Variants in TMEM273 observed in about 807,000 individuals in gnomAD.
The protein encoded by TMEM273 is chromosome 10 open reading frame 128.
TMEM273 carries 19 observed loss-of-function variants against 17.9 expected under a neutral mutation model. The ratio of observed to expected loss-of-function variants is 1.06; its 90% CI spans 0.74 to 1.55. TMEM273 has a LOEUF of 1.55. Among genes scored for constraint, TMEM273 ranks in the 40% most tolerant of loss-of-function variants. TMEM273 has a pLI of 0.00. For missense variants in TMEM273, 194 were observed against 155.6 expected, an observed-to-expected ratio of 1.25 and a Z score of -1.31; for synonymous variants, 66 against 62.0, an observed-to-expected ratio of 1.07 and a Z score of -0.31.
intron 1 of TMEM273, chr10:49,178,233 T>A: frequency 2.2e-6 from 1 of 457,412 alleles, no homozygotes. Flanking sequence ...CATGCTGCCC[T>A]TGCCCGGGGC....
chr10:49,176,348 G>A (rs376952425), intron 1 of TMEM273, among the ~76,000 whole-genome samples: 4 of 152,286 alleles, frequency 2.6e-5, no homozygotes, highest in South Asian at 2.1e-4. Context: ...CTGCTGTTTC[G>A]AGAAATGGCC....
chr10:49,162,088 C>A (rs909251399), intron 5 of TMEM273, among the ~76,000 whole-genome samples: 2 of 152,134 alleles, frequency 1.3e-5, no homozygotes, highest in East Asian at 1.9e-4. Context: ...CCTTCTATAG[C>A]CCTGATAGCT....
intron 1 of TMEM273, among the ~76,000 whole-genome samples, chr10:49,175,713 C>A (rs1846910883): frequency 6.6e-6 from 1 of 151,536 alleles, no homozygotes. Context: ...GGGGGCAGGG[C>A]CCCCCCCACC....
chr10:49,186,047 AGAAGAG>A (rs1451357528), intron 1 of TMEM273, among the ~76,000 whole-genome samples: 1 of 144,670 alleles, frequency 6.9e-6, no homozygotes, highest in African/African-American at 2.7e-5. Flanking sequence ...AAGAAGAAGA[AGAAGAG>A]GAAGAAGAAG....
chr10:49,172,299 T>C (rs1051332474), intron 1 of TMEM273, among the ~76,000 whole-genome samples: 5 of 152,070 alleles, frequency 3.3e-5, no homozygotes, highest in African/African-American at 9.7e-5. Context: ...ATGAAGGAGC[T>C]CACAGAGTGA....
At chr10:49,174,898 C>A (rs1054535036) in intron 1 of TMEM273, among the ~76,000 whole-genome samples, 1 of 152,182 alleles carries the variant, frequency 6.6e-6, no homozygotes, top group Non-Finnish European at 1.5e-5. Flanking sequence ...AGGAATTCCA[C>A]ATACGGCAGT....
At chr10:49,185,621 T>C (rs1847617135) in intron 1 of TMEM273, among the ~76,000 whole-genome samples, 1 of 152,202 alleles carries the variant, frequency 6.6e-6, no homozygotes, top group Non-Finnish European at 1.5e-5. Flanking sequence ...TAACAACATA[T>C]ACAATCATTA....
chr10:49,172,546 C>T (rs1031595078), intron 1 of TMEM273, among the ~76,000 whole-genome samples: 12 of 152,178 alleles, frequency 7.9e-5, no homozygotes, highest in Non-Finnish European at 1.8e-4. Flanking sequence ...GTTTGTTCCA[C>T]CTTCGAGCCT....
At chr10:49,156,802 C>T (rs997355785) in intron 6 of TMEM273, among the ~76,000 whole-genome samples, 11 of 152,030 alleles carry the variant, frequency 7.2e-5, no homozygotes, top group Non-Finnish European at 1.2e-4. Flanking sequence ...CAAGGACACA[C>T]GTAATGGTCA....
chr10:49,179,304 G>A (rs1048093396), intron 1 of TMEM273, among the ~76,000 whole-genome samples: 3 of 152,210 alleles, frequency 2.0e-5, no homozygotes, highest in Non-Finnish European at 4.4e-5. Flanking sequence ...TGTGGGGCTC[G>A]GCTTTATAGC....
intron 5 of TMEM273, among the ~76,000 whole-genome samples, chr10:49,163,414 C>T (rs139979547): frequency 7.9e-5 from 12 of 152,248 alleles, no homozygotes; most frequent in Non-Finnish European, 1.6e-4. Flanking sequence ...AAGCTGGTTA[C>T]ATGCCCTAGA....
At chr10:49,175,532 C>T (rs754178163) in intron 1 of TMEM273, among the ~76,000 whole-genome samples, 18 of 152,194 alleles carry the variant, frequency 1.2e-4, no homozygotes, top group Admixed American at 2.6e-4. Flanking sequence ...AAACTGGTGC[C>T]CACTTTGTTT....
intron 3 of TMEM273, 61 bp from the exon 4 acceptor site, chr10:49,165,857 C>T: frequency 2.5e-6 from 4 of 1,603,342 alleles, no homozygotes; most frequent in Non-Finnish European, 3.4e-6. Context: ...CAGAGCATTC[C>T]CTAGAGCTTT....
intron 6 of TMEM273, among the ~76,000 whole-genome samples, chr10:49,157,867 T>C (rs1845607734): frequency 6.6e-6 from 1 of 152,162 alleles, no homozygotes; most frequent in African/African-American, 2.4e-5. Flanking sequence ...ATTAAAGGCA[T>C]ATGAATTGGG....
At chr10:49,170,614 C>T (rs530096336) in intron 1 of TMEM273, among the ~76,000 whole-genome samples, 1 of 152,312 alleles carries the variant, frequency 6.6e-6, no homozygotes, top group Admixed American at 6.5e-5. Context: ...GAGTCACTTG[C>T]AGGGAGACCA....
At chr10:49,164,105 C>T (rs546269576) in intron 5 of TMEM273, among the ~76,000 whole-genome samples, 1 of 152,290 alleles carries the variant, frequency 6.6e-6, no homozygotes, top group Admixed American at 6.5e-5. Context: ...TAAATGCCAG[C>T]CACTTACTAG....
intron 1 of TMEM273, among the ~76,000 whole-genome samples, chr10:49,174,238 G>A (rs899074959): frequency 3.9e-5 from 6 of 152,256 alleles, no homozygotes; most frequent in African/African-American, 1.2e-4. Context: ...TATGGGTGCT[G>A]GCGGGCCCTG....
intron 1 of TMEM273, among the ~76,000 whole-genome samples, chr10:49,175,790 G>C (rs1050122241): frequency 6.6e-6 from 1 of 152,222 alleles, no homozygotes; most frequent in African/African-American, 2.4e-5. Context: ...ACCTGGGAAG[G>C]GGCTGCTGAA....
chr10:49,187,640 C>T (rs1847808247), intron 1 of TMEM273, among the ~76,000 whole-genome samples: 1 of 152,152 alleles, frequency 6.6e-6, no homozygotes, highest in African/African-American at 2.4e-5. Flanking sequence ...CTCTCTCTCT[C>T]TCTTTGAGTT....
Sources: allele counts gnomAD v4.1 joint callset (sites outside exome capture counted in the v4.1 genomes callset), GRCh38; gene constraint gnomAD v4.1.1; transcripts MANE v1.5; gene names NCBI Gene and HGNC (gene_info 2026-07-23, HGNC 2026-07-21).